The following SSH2 variants were observed in gnomAD, a reference collection of about 807,000 sequenced individuals.
SSH2 encodes slingshot protein phosphatase 2.
SSH2 carries 37 observed loss-of-function variants against 135.2 expected under a neutral mutation model. That is an observed-to-expected ratio of 0.27 (90% CI 0.21 to 0.36). The LOEUF is 0.36. Ranked by LOEUF, SSH2 falls within the 10% of genes least tolerant of loss-of-function variation. The pLI is 1.00. For synonymous variants in SSH2, 628 were observed against 646.2 expected, an observed-to-expected ratio of 0.97 and a Z score of 0.43; for missense variants, 1,408 against 1,765.3, an observed-to-expected ratio of 0.80 and a Z score of 3.63.
Position 29,636,550 on chromosome 17 carries a change from A to C in SSH2, c.1680T>G (p.Thr560=). ...TKERMICLEF[T]SREFHAGQIE... is the part of the protein sequence containing the mutation. Reference sequence around the variant, plus strand: ...TCTGTCCAGCATGAAATTCCCTAGAAGTAAACTCCAAGCAGATCATTCTTT... The same window carrying C: ...TCTGTCCAGCATGAAATTCCCTAGACGTAAACTCCAAGCAGATCATTCTTT... Residue 560 remains threonine, a synonymous_variant, in exon 15 of 16, where the codon ACT becomes ACG. Transcript: ENST00000540801. The C allele has an allele frequency of 1.2e-6, 2 of 1,614,200 alleles. No individual in the cohort carries two copies. The highest frequency in any genetic ancestry group is 1.7e-6 in the Non-Finnish European group (2 of 1,180,026).
At chr17:29,790,051 G>A (rs1482418003) in intron 3 of SSH2, among the ~76,000 whole-genome samples, 7 of 152,130 alleles carry the variant, frequency 4.6e-5, no homozygotes, top group African/African-American at 1.7e-4. Flanking sequence ...TTAGGCTTCA[G>A]AACTGATGCT....
chr17:29,718,049 T>C (rs2039687302), intron 3 of SSH2, among the ~76,000 whole-genome samples: 3 of 152,164 alleles, frequency 2.0e-5, no homozygotes, highest in Admixed American at 2.0e-4. Flanking sequence ...GTTTCTACTT[T>C]CTCATTTGTA....
intron 1 of SSH2, among the ~76,000 whole-genome samples, chr17:29,882,249 A>C (rs2066151167): frequency 6.6e-6 from 1 of 152,118 alleles, no homozygotes; most frequent in Non-Finnish European, 1.5e-5. Flanking sequence ...CCTTTCAAAA[A>C]CTCACAGCCT....
chr17:29,722,306 C>T (rs1357501204), intron 3 of SSH2, among the ~76,000 whole-genome samples: 1 of 147,864 alleles, frequency 6.8e-6, no homozygotes, highest in Non-Finnish European at 1.5e-5. Context: ...GTGTAATTTA[C>T]AACAGCAGTT....
At chr17:29,748,279 C>T (rs532005060) in intron 3 of SSH2, among the ~76,000 whole-genome samples, 11 of 152,012 alleles carry the variant, frequency 7.2e-5, no homozygotes, top group African/African-American at 2.6e-4. Flanking sequence ...ATAATAAAAA[C>T]ACAAATGCAT....
At chr17:29,779,689 G>A (rs1157251100) in intron 3 of SSH2, among the ~76,000 whole-genome samples, 2 of 151,070 alleles carry the variant, frequency 1.3e-5, no homozygotes, top group Non-Finnish European at 2.9e-5. Flanking sequence ...CGTGGTGGTG[G>A]GCCCTGTAAT....
intron 1 of SSH2, among the ~76,000 whole-genome samples, chr17:29,860,397 ACTT>A (rs935894453): frequency 3.4e-5 from 5 of 146,360 alleles, no homozygotes; most frequent in Non-Finnish European, 7.5e-5. Flanking sequence ...GGCAACATGT[ACTT>A]CTTCTTTTGA....
At chr17:29,905,890 A>G (rs900438069) in intron 1 of SSH2, among the ~76,000 whole-genome samples, 11 of 152,292 alleles carry the variant, frequency 7.2e-5, no homozygotes, top group African/African-American at 2.6e-4. Context: ...CTAACTGCAG[A>G]AAGGAGCTAC....
At chr17:29,805,321 A>AT (rs1161320909) in intron 2 of SSH2, among the ~76,000 whole-genome samples, 13 of 151,590 alleles carry the variant, frequency 8.6e-5, no homozygotes, top group East Asian at 3.9e-4. Flanking sequence ...CGCCCGGCTA[A>AT]TTTTTTGTAT....
chr17:29,747,178 A>G lies in SSH2; in HGVS notation c.189-44116T>C, dbSNP rs1259393949. 7.9e-5 allele frequency among the ~76,000 whole-genome samples: 12 copies of G among 152,228 alleles called. No individual in the cohort carries two copies. The East Asian group carries it at 1.5e-3, about 20-fold the overall frequency. ...TGAAATGAGGCAGGTACCATCCTCA[A>G]ACAAACATATACAACAATTTAAATA... On this transcript the variant is annotated intron_variant, in intron 3 of 15. Coordinates refer to ENST00000540801, the MANE Select transcript of SSH2 (RefSeq NM_001282129.2).
At chr17:29,762,104 C>T (rs1438790900) in intron 3 of SSH2, among the ~76,000 whole-genome samples, 1 of 152,038 alleles carries the variant, frequency 6.6e-6, no homozygotes, top group Non-Finnish European at 1.5e-5. Flanking sequence ...TGGTCTCAAA[C>T]TCCTGACCTC....
Position 29,631,529 on chromosome 17 carries a change from T to C in SSH2, c.3665A>G (p.Asn1222Ser). The C allele has an allele frequency of 6.2e-7, 1 of 1,614,176 alleles. No homozygotes were observed. The highest frequency in any genetic ancestry group is 8.5e-7 in the Non-Finnish European group (1 of 1,180,024). The change falls in exon 16 of 16, where the codon AAC (asparagine) becomes AGC (serine). Residue 1222 changes from asparagine to serine, a missense_variant. By Grantham distance (46) the Asn-to-Ser change is conservative. Around this residue, in one of 3 missense-constraint regions of SSH2, gnomAD observed 1,080 missense variants for 1,144.5 expected, o/e 0.94. Transcript: ENST00000540801. ...DLSLISKLGD[N>S]TGELQEKMDP... ...CATTTTCTCCTGTAACTCCCCAGTG[T>C]TGTCACCAAGTTTGCTAATTAAACT... is the stretch of plus-strand genomic sequence containing the variant.
At chr17:29,913,367 TATATA>T (rs2066820390) in intron 1 of SSH2, among the ~76,000 whole-genome samples, 1 of 81,358 alleles carries the variant, frequency 1.2e-5, no homozygotes, top group Non-Finnish European at 2.3e-5. Flanking sequence ...TATATATATA[TATATA>T]TATATATATA....
At chr17:29,833,164 T>C (rs1457705237) in intron 2 of SSH2, among the ~76,000 whole-genome samples, 2 of 152,230 alleles carry the variant, frequency 1.3e-5, no homozygotes, top group East Asian at 3.8e-4. Flanking sequence ...GGATGATCTT[T>C]CCAATATTGA....
intron 11 of SSH2, among the ~76,000 whole-genome samples, chr17:29,657,395 G>A (rs746143488): frequency 2.0e-4 from 31 of 151,500 alleles, no homozygotes; most frequent in Non-Finnish European, 3.5e-4. Context: ...TCAGCCACCC[G>A]AGTAGCTGGG....
At position 29,631,463 on chromosome 17, in the gene SSH2, C is replaced by T. The variant is rs1254214856; in HGVS notation, c.3731G>A (p.Ser1244Asn). Residue 1244 changes from serine to asparagine, a missense_variant, in exon 16 of 16, where the codon AGT becomes AAT. Ser to Asn is a conservative substitution (Grantham distance 46). Transcript: ENST00000540801. ...GCTGAGACTCTTTATGTTTTCACTA[C>T]TAGAGCTATGTGGGAGTCGACAGGC... ...PVACRLPHSS[S>N]SENIKSLSHS... 2 of 1,614,178 alleles carry T rather than the reference C, an allele frequency of 1.2e-6. No homozygotes were observed. Among genetic ancestry groups the T allele is most frequent in the East Asian group, 4.5e-5 (2 of 44,890 alleles).
intron 1 of SSH2, among the ~76,000 whole-genome samples, chr17:29,923,725 G>A (rs952983465): frequency 6.6e-6 from 1 of 152,098 alleles, no homozygotes; most frequent in Admixed American, 6.6e-5. Context: ...ATGGAGCCGG[G>A]TGCGGTGGCT....
chr17:29,846,454 T>C (rs2043135066), intron 2 of SSH2, among the ~76,000 whole-genome samples: 1 of 152,208 alleles, frequency 6.6e-6, no homozygotes, highest in Non-Finnish European at 1.5e-5. Flanking sequence ...TCAGCACTGC[T>C]CCTGCTTATC....
chr17:29,887,406 C>A (rs1300386459), intron 1 of SSH2, among the ~76,000 whole-genome samples: 1 of 152,074 alleles, frequency 6.6e-6, no homozygotes, highest in Non-Finnish European at 1.5e-5. Context: ...TTTCCTAGAC[C>A]CATCAAAAAT....
Sources: allele counts gnomAD v4.1 joint callset (sites outside exome capture counted in the v4.1 genomes callset), GRCh38; gene constraint gnomAD v4.1.1; regional missense constraint gnomAD v4.1.1; transcripts MANE v1.5; gene names NCBI Gene and HGNC (gene_info 2026-07-23, HGNC 2026-07-21).